Variants in PTPN9 observed in about 807,000 individuals in gnomAD.
PTPN9 encodes protein tyrosine phosphatase non-receptor type 9.
Under a neutral mutation model 69.8 loss-of-function variants are expected in PTPN9, and 26 were observed. The observed-to-expected ratio is 0.37, with a 90% CI of 0.27 to 0.52. The LOEUF (loss-of-function observed/expected upper bound fraction) is 0.52. Ranked by LOEUF, PTPN9 falls within the 20% of genes least tolerant of loss-of-function variation. The pLI, the probability that PTPN9 is intolerant of heterozygous loss-of-function variation, is 0.91. For synonymous variants in PTPN9, 274 were observed against 272.5 expected (o/e 1.01, Z -0.05); for missense variants, 549 against 740.3 (o/e 0.74, Z 3.00).
chr15:75,467,126 T>A lies in PTPN9; in HGVS notation c.*1643A>T, dbSNP rs1595943378. On this transcript the variant is annotated 3_prime_UTR_variant, in exon 13 of 13. Coordinates refer to ENST00000618819, the MANE Select transcript of PTPN9 (RefSeq NM_002833.4). ...TAAATTGATGAAGCTAAAAGGGTTT[T>A]GATCATGTCGGTATATTTATATGTA... 1 of 152,632 alleles carries A rather than the reference T, an allele frequency of 6.6e-6. No homozygotes were observed. Among genetic ancestry groups the A allele is most frequent in the East Asian group, 1.9e-4 (1 of 5,200 alleles). The allele number at this position is 152,632 out of a possible 1,614,324, so 9.5% of individuals were successfully genotyped here. A position where few individuals can be genotyped will look rare whatever the true frequency, so the allele number is the denominator to read the frequency against.
chr15:75,469,673 C>T, intron 12 of PTPN9, 119 bp downstream of exon 12: 14 of 1,117,852 alleles, frequency 1.3e-5, no homozygotes, highest in Non-Finnish European at 1.7e-5. Flanking sequence ...CACAGCAATT[C>T]ACCACCAAGG....
intron 4 of PTPN9, among the ~76,000 whole-genome samples, chr15:75,520,066 C>T (rs1489134236): frequency 6.6e-6 from 1 of 152,110 alleles, no homozygotes; most frequent in East Asian, 1.9e-4. Flanking sequence ...GGAGTTGAGG[C>T]TGCTGTGAGT....
At chr15:75,527,862 AAAAG>A (rs774518091) in intron 1 of PTPN9, among the ~76,000 whole-genome samples, 119 of 152,214 alleles carry the variant, frequency 7.8e-4, no homozygotes, top group Middle Eastern at 3.4e-3. Flanking sequence ...CTCAAAAAAA[AAAAG>A]AAAGAAAGAA....
At chr15:75,537,076 G>T (rs1048683619) in intron 1 of PTPN9, among the ~76,000 whole-genome samples, 3 of 152,098 alleles carry the variant, frequency 2.0e-5, no homozygotes, top group Non-Finnish European at 1.5e-5. Flanking sequence ...TGCAGGCCAG[G>T]CATGGTGGCT....
At chr15:75,514,013 C>T (rs145955941) in intron 5 of PTPN9, among the ~76,000 whole-genome samples, 402 of 150,730 alleles carry the variant, frequency 2.7e-3, no homozygotes, top group Non-Finnish European at 4.9e-3. Flanking sequence ...GCAGGAGAAT[C>T]GCTTGAACCT....
intron 1 of PTPN9, among the ~76,000 whole-genome samples, chr15:75,556,502 G>C (rs1221045257): frequency 6.6e-6 from 1 of 151,974 alleles, no homozygotes; most frequent in African/African-American, 2.4e-5. Flanking sequence ...TCAGCCTTCT[G>C]AGTAGCTGGG....
At chr15:75,515,454 TAC>T (rs1308351431) in intron 5 of PTPN9, among the ~76,000 whole-genome samples, 2 of 148,300 alleles carry the variant, frequency 1.3e-5, no homozygotes, top group African/African-American at 5.0e-5. Context: ...AAAGAAATCT[TAC>T]ACTTTTTATG....
At chr15:75,510,812 T>A (rs1172129311) in intron 5 of PTPN9, among the ~76,000 whole-genome samples, 1 of 152,144 alleles carries the variant, frequency 6.6e-6, no homozygotes, top group Non-Finnish European at 1.5e-5. Flanking sequence ...ACTATTCATT[T>A]TCAGAACTAT....
intron 1 of PTPN9, among the ~76,000 whole-genome samples, chr15:75,564,568 C>T (rs964401801): frequency 6.7e-6 from 1 of 149,592 alleles, no homozygotes; most frequent in Admixed American, 6.7e-5. Context: ...TGACTCCAGC[C>T]TGGCCGACAG....
chr15:75,566,417 C>A (rs1158216275), intron 1 of PTPN9, among the ~76,000 whole-genome samples: 2 of 152,226 alleles, frequency 1.3e-5, no homozygotes, highest in Non-Finnish European at 1.5e-5. Flanking sequence ...CACAGTGGCT[C>A]ATGCCTGTAA....
intron 1 of PTPN9, among the ~76,000 whole-genome samples, chr15:75,555,556 G>A (rs2075073387): frequency 6.6e-6 from 1 of 151,952 alleles, no homozygotes; most frequent in African/African-American, 2.4e-5. Flanking sequence ...CCAGGCTGGA[G>A]TGCAGTGGTG....
intron 2 of PTPN9, among the ~76,000 whole-genome samples, chr15:75,525,683 C>T (rs1595961017): frequency 6.6e-6 from 1 of 151,248 alleles, no homozygotes; most frequent in African/African-American, 2.4e-5. Context: ...TTTGGGAGGC[C>T]GAGGTGCGTG....
intron 6 of PTPN9, among the ~76,000 whole-genome samples, chr15:75,508,599 T>C (rs550832388): frequency 1.4e-4 from 21 of 152,304 alleles, no homozygotes; most frequent in Non-Finnish European, 2.8e-4. Flanking sequence ...CTAGGATAAA[T>C]TTTGGAAGTA....
At chr15:75,470,652 A>G in intron 11 of PTPN9, 28 bp downstream of exon 11, 1 of 1,603,422 alleles carries the variant, frequency 6.2e-7, no homozygotes, top group South Asian at 1.1e-5. Flanking sequence ...TGTTTCAACA[A>G]GGTGAGAAAA....
intron 1 of PTPN9, among the ~76,000 whole-genome samples, chr15:75,562,937 C>A (rs986164682): frequency 1.3e-5 from 2 of 151,532 alleles, no homozygotes; most frequent in African/African-American, 4.9e-5. Context: ...TTTTTCTTTC[C>A]ATCTTTTATT....
intron 8 of PTPN9, among the ~76,000 whole-genome samples, chr15:75,485,790 C>T (rs879729100): frequency 2.6e-5 from 4 of 151,488 alleles, no homozygotes; most frequent in African/African-American, 4.9e-5. Flanking sequence ...TCAGCAACTT[C>T]GGAAGAATCA....
At chr15:75,486,553 G>A (rs2141297149) in intron 8 of PTPN9, among the ~76,000 whole-genome samples, 1 of 152,202 alleles carries the variant, frequency 6.6e-6, no homozygotes, top group East Asian at 1.9e-4. Context: ...AAGCCATCCT[G>A]CATGTGGTAT....
At chr15:75,481,887 C>T (rs1412199956) in intron 8 of PTPN9, among the ~76,000 whole-genome samples, 3 of 145,704 alleles carry the variant, frequency 2.1e-5, no homozygotes, top group Non-Finnish European at 3.0e-5. Context: ...TGAGGGGGCG[C>T]CTCTGCCCGG....
chr15:75,507,870 C>A (rs1010534510), intron 6 of PTPN9, among the ~76,000 whole-genome samples: 2 of 151,846 alleles, frequency 1.3e-5, no homozygotes, highest in Non-Finnish European at 2.9e-5. Flanking sequence ...TGGTGAAACA[C>A]CGTCTCTACT....
Sources: gnomAD v4.1 joint callset for allele counts (sites outside exome capture counted in the v4.1 genomes callset) on GRCh38, gnomAD v4.1.1 for gene constraint, MANE v1.5 for transcripts, NCBI Gene and HGNC (gene_info 2026-07-23, HGNC 2026-07-21) for gene names.